SULF1: variants seen among roughly 807,000 people sequenced by gnomAD.
SULF1 encodes extracellular sulfatase Sulf-1.
SULF1 carries 46 observed loss-of-function variants against 110.5 expected under a neutral mutation model. The ratio of observed to expected loss-of-function variants is 0.42; its 90% CI spans 0.33 to 0.53. The LOEUF (loss-of-function observed/expected upper bound fraction) is 0.53, where lower values mean the gene tolerates loss of function less well. Ranked by LOEUF, SULF1 falls within the 20% of genes least tolerant of loss-of-function variation. The pLI is 0.12. For synonymous variants in SULF1, 371 were observed against 387.1 expected (o/e 0.96, Z 0.49); for missense variants, 941 against 1,094.2 (o/e 0.86, Z 1.98).
chr8:69,591,888 T>A (rs1034534944), intron 8 of SULF1, among the ~76,000 whole-genome samples: 8 of 152,172 alleles, frequency 5.3e-5, no homozygotes, highest in Non-Finnish European at 1.2e-4. Context: ...AGTAGTTGTG[T>A]CAGATACCAT....
rs536073966 is a variant in SULF1, at chr8:69,649,972, CTTTTTTTTTTTTTTTTTTTTTTTT to C, written c.2586-8519_2586-8496del. Among the ~76,000 whole-genome samples, 4 of 30,568 alleles carry C rather than the reference CTTTTTTTTTTTTTTTTTTTTTTTT, an allele frequency of 1.3e-4. 1 individual carries two copies. The highest frequency in any genetic ancestry group is 2.0e-4 in the Non-Finnish European group (3 of 15,154). The allele number at this position is 30,568 out of a possible 152,430, so 20.1% of individuals were successfully genotyped here. On this transcript the variant is annotated intron_variant, in intron 22 of 22. Transcript: ENST00000402687. ...CCCACTCTGTAATTCCTCCTGCTTG[CTTTTTTTTTTTTTTTTTTTTTTTT>C]TTTTTTTTTTTTTGTCTGAGACACG...
At chr8:69,628,855 C>G (rs1810302848) in intron 18 of SULF1, among the ~76,000 whole-genome samples, 1 of 152,140 alleles carries the variant, frequency 6.6e-6, no homozygotes, top group African/African-American at 2.4e-5. Flanking sequence ...CTGATTGGTA[C>G]TCGGCTGCCA....
At chr8:69,619,321 GA>G (rs1377533284) in intron 13 of SULF1, among the ~76,000 whole-genome samples, 1 of 152,222 alleles carries the variant, frequency 6.6e-6, no homozygotes. Context: ...TTAACTCTGT[GA>G]CAACTGTGGC....
At chr8:69,607,526 G>A (rs1286040118) in intron 13 of SULF1, among the ~76,000 whole-genome samples, 2 of 152,028 alleles carry the variant, frequency 1.3e-5, no homozygotes, top group South Asian at 2.1e-4. Flanking sequence ...CACCATGCTC[G>A]ACTAATTTTT....
chr8:69,642,439 T>C (rs990383278), intron 22 of SULF1: 2 of 980,536 alleles, frequency 2.0e-6, no homozygotes, highest in Non-Finnish European at 2.4e-6. Flanking sequence ...TTGTTCTTCA[T>C]CTTAACTGTC....
intron 22 of SULF1, among the ~76,000 whole-genome samples, chr8:69,646,443 T>A (rs1208147756): frequency 8.3e-6 from 1 of 120,610 alleles, no homozygotes; most frequent in South Asian, 2.7e-4. Context: ...TTTTTTTTTT[T>A]AAGACGGAGT....
At chr8:69,576,876 A>G (rs895029932) in intron 6 of SULF1, among the ~76,000 whole-genome samples, 2 of 152,202 alleles carry the variant, frequency 1.3e-5, no homozygotes. Flanking sequence ...ATAAGAATCA[A>G]ATATGTTATG....
In SULF1 at chr8:69,508,533, GA is replaced by G. The variant is rs1483133742; in HGVS notation, c.-134+6568del. Among the ~76,000 whole-genome samples the G allele has an allele frequency of 5.9e-5, 9 of 152,316 alleles. No homozygotes were observed. In the East Asian group the frequency reaches 1.7e-3, roughly 29 times the overall value. On this transcript the variant is annotated intron_variant, in intron 3 of 22. Transcript: ENST00000402687. ...TATTTGTTTATTAGTAGCCTTTAAA[GA>G]AATCTAAGTTCATTATCTGCAGTCA...
rs868536475 is a variant in SULF1, at chr8:69,659,129, T to C, written c.*594T>C. The C allele has an allele frequency of 2.2e-6, 1 of 456,780 alleles. No homozygotes were observed. The highest frequency in any genetic ancestry group is 2.3e-5 in the Admixed American group (1 of 42,580). The allele number at this position is 456,780 out of a possible 1,614,324, so 28.3% of individuals were successfully genotyped here. A position where few individuals can be genotyped will look rare whatever the true frequency, so the allele number is the denominator to read the frequency against. The stretch of plus-strand genomic sequence containing the variant: ...TATGGTGGTCCTGGAAAGGACATTT[T>C]TGAAGATCAACTATATCTTCCTGTG... On this transcript the variant is annotated 3_prime_UTR_variant, in exon 23 of 23. Transcript: ENST00000402687.
chr8:69,601,641 T>C lies in SULF1; in HGVS notation c.886-13T>C. 6.3e-7 allele frequency: 1 copy of C among 1,593,650 alleles called. No homozygotes were observed. Among genetic ancestry groups the C allele is most frequent in the Non-Finnish European group, 8.6e-7 (1 of 1,167,976 alleles). ...CACAATTGATTCTGACTTGTTCCTT[T>C]GCTGTATTTCAGCTGTATAACATGC... On this transcript the variant is annotated splice_polypyrimidine_tract_variant and intron_variant, in intron 9 of 22. Transcript: ENST00000402687.
At chr8:69,645,445 A>T (rs1287461506) in intron 22 of SULF1, among the ~76,000 whole-genome samples, 1 of 152,204 alleles carries the variant, frequency 6.6e-6, no homozygotes, top group Non-Finnish European at 1.5e-5. Flanking sequence ...CATCCATGCA[A>T]CATATAAAGA....
intron 3 of SULF1, among the ~76,000 whole-genome samples, chr8:69,548,375 G>A (rs1814433249): frequency 6.6e-6 from 1 of 151,938 alleles, no homozygotes; most frequent in Non-Finnish European, 1.5e-5. Context: ...TATGTATTGG[G>A]CAAACTGCTT....
intron 13 of SULF1, among the ~76,000 whole-genome samples, chr8:69,607,645 C>T (rs1808325640): frequency 6.6e-6 from 1 of 152,142 alleles, no homozygotes; most frequent in Non-Finnish European, 1.5e-5. Context: ...ATTACAGGAG[C>T]GAGCCTCCAT....
chr8:69,508,722 C>T (rs1300152853), intron 3 of SULF1, among the ~76,000 whole-genome samples: 1 of 152,032 alleles, frequency 6.6e-6, no homozygotes, highest in Non-Finnish European at 1.5e-5. Flanking sequence ...TGCATTTTTG[C>T]ATTAAAAACT....
intron 7 of SULF1, among the ~76,000 whole-genome samples, chr8:69,587,883 T>C (rs1311118770): frequency 6.6e-6 from 1 of 152,206 alleles, no homozygotes; most frequent in Non-Finnish European, 1.5e-5. Flanking sequence ...GAAAAGAATA[T>C]ATATCTTTTT....
chr8:69,628,279 C>A (rs766410336), intron 18 of SULF1, 43 bp downstream of exon 18: 1 of 1,541,892 alleles, frequency 6.5e-7, no homozygotes, highest in Non-Finnish European at 9.0e-7. Context: ...GAGTCAATGA[C>A]TGTCCACCTG....
intron 14 of SULF1, among the ~76,000 whole-genome samples, chr8:69,622,924 G>C (rs949449669): frequency 2.0e-5 from 3 of 152,136 alleles, no homozygotes; most frequent in Non-Finnish European, 4.4e-5. Context: ...TCAGCTGAGA[G>C]GTGTCTCAGA....
intron 1 of SULF1, among the ~76,000 whole-genome samples, chr8:69,468,587 G>C (rs764965122): frequency 5.3e-5 from 8 of 152,090 alleles, no homozygotes; most frequent in Non-Finnish European, 1.2e-4. Context: ...AACCAAAATA[G>C]ATCCAAGTTC....
At chr8:69,512,187 G>A (rs1273659172) in intron 3 of SULF1, among the ~76,000 whole-genome samples, 1 of 152,086 alleles carries the variant, frequency 6.6e-6, no homozygotes, top group African/African-American at 2.4e-5. Flanking sequence ...CATAGTGTTC[G>A]GTTTCCCTAC....
Sources: gnomAD v4.1 joint callset for allele counts (sites outside exome capture counted in the v4.1 genomes callset) on GRCh38, gnomAD v4.1.1 for gene constraint, MANE v1.5 for transcripts, NCBI Gene and HGNC (gene_info 2026-07-23, HGNC 2026-07-21) for gene names.